Variants in ATP10A observed in about 807,000 individuals in gnomAD.
ATP10A encodes the protein phospholipid-transporting ATPase VA.
A neutral mutation model predicts 147.8 loss-of-function variants in ATP10A; 111 were observed. The observed-to-expected ratio is 0.75, with a 90% CI of 0.64 to 0.88. ATP10A has a LOEUF of 0.88. ATP10A is among the 40% of genes least tolerant of loss of function. The pLI, the probability that ATP10A is intolerant of heterozygous loss-of-function variation, is 0.00. For missense variants in ATP10A, 1,927 were observed against 1,959.0 expected, an observed-to-expected ratio of 0.98 and a Z score of 0.31; for synonymous variants, 875 against 841.6, an observed-to-expected ratio of 1.04 and a Z score of -0.69.
chr15:25,713,882 G>C lies in ATP10A; in HGVS notation c.2136C>G (p.Cys712Trp), dbSNP rs758325304. 6.2e-7 allele frequency: 1 copy of C among 1,613,766 alleles called. No individual in the cohort carries two copies. The highest frequency in any genetic ancestry group is 8.5e-7 in the Non-Finnish European group (1 of 1,180,048). The change falls in exon 10 of 21, where the codon TGC becomes TGG. Residue 712 changes from cysteine (C) to tryptophan (W), a missense_variant. By Grantham distance (215) the Cys-to-Trp change is radical (BLOSUM62 -2). Transcript: ENST00000555815. ...GGTCGTGCAGCCGCTCCACAAGCAC[G>C]CAGTTGTAGGCTCTGGCCGCATACA... ...ALVYAARAYNCVLVERLHDQV... is the reference protein window; with the variant it reads ...ALVYAARAYNWVLVERLHDQV...
intron 1 of ATP10A, among the ~76,000 whole-genome samples, chr15:25,860,950 C>A (rs937597435): frequency 1.3e-5 from 2 of 152,186 alleles, no homozygotes; most frequent in African/African-American, 4.8e-5. Context: ...GGTATCTGTG[C>A]AAAGGCTTAA....
intron 1 of ATP10A, among the ~76,000 whole-genome samples, chr15:25,789,258 G>C (rs1233468819): frequency 6.6e-6 from 1 of 152,104 alleles, no homozygotes; most frequent in Admixed American, 6.5e-5. Flanking sequence ...CCCATGCCTG[G>C]CCAGAATACA....
At chr15:25,687,567 TTA>T in intron 16 of ATP10A, 134 bp downstream of exon 16, 1 of 678,474 alleles carries the variant, frequency 1.5e-6, no homozygotes, top group Non-Finnish European at 2.0e-6. Flanking sequence ...CAGGGGACAA[TTA>T]CACAGGCGAA....
intron 1 of ATP10A, among the ~76,000 whole-genome samples, chr15:25,856,220 A>T (rs1004091251): frequency 1.3e-5 from 2 of 152,192 alleles, no homozygotes; most frequent in African/African-American, 4.8e-5. Flanking sequence ...TAACTGAATC[A>T]TGGAGGCGGT....
intron 1 of ATP10A, among the ~76,000 whole-genome samples, chr15:25,807,412 G>T (rs1596927531): frequency 6.6e-6 from 1 of 152,248 alleles, no homozygotes; most frequent in Non-Finnish European, 1.5e-5. Context: ...CTAGCTCAAT[G>T]AATGAAGGCT....
At chr15:25,680,553 A>C (rs1320734566) in intron 19 of ATP10A, among the ~76,000 whole-genome samples, 1 of 152,000 alleles carries the variant, frequency 6.6e-6, no homozygotes, top group African/African-American at 2.4e-5. Context: ...GAGGGAAAGG[A>C]GAGAATGTGG....
chr15:25,818,017 T>C (rs1891737418), intron 1 of ATP10A, among the ~76,000 whole-genome samples: 1 of 63,740 alleles, frequency 1.6e-5, no homozygotes, highest in Non-Finnish European at 2.9e-5. Flanking sequence ...TCAGAACTTA[T>C]TAACATTGCT....
At chr15:25,829,511 A>C (rs914256324) in intron 1 of ATP10A, among the ~76,000 whole-genome samples, 2 of 152,236 alleles carry the variant, frequency 1.3e-5, no homozygotes, top group African/African-American at 2.4e-5. Context: ...ACAGAAAACA[A>C]AGCTCTTGCT....
At chr15:25,830,302 C>T (rs1892302108) in intron 1 of ATP10A, among the ~76,000 whole-genome samples, 1 of 152,126 alleles carries the variant, frequency 6.6e-6, no homozygotes, top group South Asian at 2.1e-4. Flanking sequence ...GGGTGCTCTG[C>T]AGAGCCACCT....
chr15:25,778,245 A>G (rs1468329953), intron 2 of ATP10A, among the ~76,000 whole-genome samples: 1 of 152,220 alleles, frequency 6.6e-6, no homozygotes, highest in Non-Finnish European at 1.5e-5. Context: ...TGTATTTCAC[A>G]TAAGTCAGTG....
chr15:25,855,139 A>G (rs970742193), intron 1 of ATP10A, among the ~76,000 whole-genome samples: 5 of 152,244 alleles, frequency 3.3e-5, no homozygotes, highest in Non-Finnish European at 4.4e-5. Flanking sequence ...TGAGACCAGT[A>G]TAGTACTTTT....
intron 7 of ATP10A, 112 bp downstream of exon 7, chr15:25,721,545 T>A (rs1596755957): frequency 4.7e-5 from 1 of 21,178 alleles, no homozygotes; most frequent in Admixed American, 7.2e-4. Flanking sequence ...CCCTGAAGCG[T>A]GTGTGTGTGT....
intron 1 of ATP10A, among the ~76,000 whole-genome samples, chr15:25,832,068 GA>G (rs1179129968): frequency 1.3e-5 from 2 of 152,162 alleles, no homozygotes; most frequent in South Asian, 2.1e-4. Flanking sequence ...CAGAGACACA[GA>G]GACTCATGAC....
chr15:25,780,441 C>T (rs923239387), intron 2 of ATP10A, among the ~76,000 whole-genome samples: 1 of 152,202 alleles, frequency 6.6e-6, no homozygotes, highest in Non-Finnish European at 1.5e-5. Context: ...ACAGACCTGG[C>T]GGGTGGGGCC....
chr15:25,731,943 C>T (rs1040079311), intron 3 of ATP10A, among the ~76,000 whole-genome samples: 2 of 152,000 alleles, frequency 1.3e-5, no homozygotes, highest in Admixed American at 1.3e-4. Context: ...GCAGCCTGGA[C>T]CTCCTGAGCT....
intron 3 of ATP10A, among the ~76,000 whole-genome samples, chr15:25,733,531 GC>G (rs1170204796): frequency 2.0e-5 from 3 of 152,170 alleles, no homozygotes; most frequent in Admixed American, 6.5e-5. Flanking sequence ...AGTCACGGGG[GC>G]AAGTATTAAC....
Position 25,794,146 on chromosome 15 carries a change from G to A in ATP10A, c.450-12923C>T, listed in dbSNP as rs142437089. Among the ~76,000 whole-genome samples, 174 of 152,294 alleles carry A rather than the reference G, an allele frequency of 1.1e-3. 2 individuals are homozygous for A. The East Asian group carries it at 0.031, about 27-fold the overall frequency. ...TTCATTATGAGGGGATTAAAAGCCA[G>A]ACAGGCAGATTGATTTTCTCACTCA... On this transcript the variant is annotated intron_variant, in intron 1 of 20. Transcript: ENST00000555815.
intron 1 of ATP10A, among the ~76,000 whole-genome samples, chr15:25,812,705 T>C (rs1891485184): frequency 6.6e-6 from 1 of 152,204 alleles, no homozygotes; most frequent in Non-Finnish European, 1.5e-5. Flanking sequence ...GAATACAGTA[T>C]TCTGAAGCAC....
rs1901629305 is a variant in ATP10A, at chr15:25,714,146, G to A, written c.1872C>T (p.Ser624=). The A allele has an allele frequency of 6.2e-7, 1 of 1,611,340 alleles. No individual in the cohort carries two copies. Among genetic ancestry groups the A allele is most frequent in the East Asian group, 2.2e-5 (1 of 44,856 alleles). Residue 624 remains serine (S), a synonymous_variant, in exon 10 of 21, where the codon AGC becomes AGT. Transcript: ENST00000555815. ...TPSCLTSGCS[S]IGSLAANKSS... Reference sequence around the variant, plus strand: ...ACTTGTTGGCGGCCAGGCTCCCGATGCTGCTGCAGCCTGAGGTCAGGCAGC... The same window carrying A: ...ACTTGTTGGCGGCCAGGCTCCCGATACTGCTGCAGCCTGAGGTCAGGCAGC...
Sources: gnomAD v4.1 joint callset for allele counts (sites outside exome capture counted in the v4.1 genomes callset) on GRCh38, gnomAD v4.1.1 for gene constraint, MANE v1.5 for transcripts, NCBI Gene and HGNC (gene_info 2026-07-23, HGNC 2026-07-21) for gene names.